CNTN5: variants seen among roughly 807,000 people sequenced by gnomAD.
CNTN5 encodes the protein contactin-5.
In CNTN5, 77 loss-of-function variants were observed where a neutral mutation model predicts 129.1. That is an observed-to-expected ratio of 0.60 (90% CI 0.50 to 0.72). The LOEUF is 0.72. Among genes scored for constraint, CNTN5 ranks in the 30% least tolerant of loss-of-function variants. The pLI is 0.00. For missense variants in CNTN5, 1,478 were observed against 1,328.8 expected, an observed-to-expected ratio of 1.11 and a Z score of -1.75; for synonymous variants, 509 against 465.6, an observed-to-expected ratio of 1.09 and a Z score of -1.20.
Position 99,119,211 on chromosome 11 carries a change from G to C in CNTN5, c.-210+97941G>C, listed in dbSNP as rs915758778. 3.9e-5 allele frequency among the ~76,000 whole-genome samples: 6 copies of C among 152,182 alleles called. No individual in the cohort carries two copies. In the South Asian group the frequency reaches 1.0e-3, roughly 26 times the overall value. On this transcript the variant is annotated intron_variant, in intron 1 of 24. Transcript: ENST00000524871. ...GTTATATAGGTAAACCCAAGCCATGGGGTTTTGTTGTACAGATTATTTTGT... is the reference window on the plus strand; with the variant it reads ...GTTATATAGGTAAACCCAAGCCATGCGGTTTTGTTGTACAGATTATTTTGT...
intron 3 of CNTN5, among the ~76,000 whole-genome samples, chr11:99,675,449 G>A (rs536562353): frequency 3.3e-5 from 5 of 152,248 alleles, no homozygotes; most frequent in South Asian, 4.1e-4. Flanking sequence ...TTGGGAGGCC[G>A]AGGAGGGCAG....
At chr11:99,074,238 T>C (rs1430505409) in intron 1 of CNTN5, among the ~76,000 whole-genome samples, 1 of 152,158 alleles carries the variant, frequency 6.6e-6, no homozygotes, top group East Asian at 1.9e-4. Flanking sequence ...TTTTTTTCTT[T>C]TAAATTTGTT....
intron 7 of CNTN5, among the ~76,000 whole-genome samples, chr11:99,948,393 A>G (rs183512612): frequency 2.6e-5 from 4 of 152,178 alleles, no homozygotes. Context: ...CTTGCATGGC[A>G]TTGTGACCAT....
At chr11:99,796,455 G>A (rs1003545534) in intron 3 of CNTN5, among the ~76,000 whole-genome samples, 1 of 152,026 alleles carries the variant, frequency 6.6e-6, no homozygotes, top group African/African-American at 2.4e-5. Context: ...GGATATGGTG[G>A]GGGGTAAGTG....
intron 2 of CNTN5, among the ~76,000 whole-genome samples, chr11:99,463,802 A>G (rs1229650612): frequency 6.6e-6 from 1 of 152,182 alleles, no homozygotes; most frequent in East Asian, 1.9e-4. Context: ...ATAAGTATGT[A>G]TGTGTAAAGA....
At chr11:100,287,713 A>C (rs1038692853) in intron 18 of CNTN5, among the ~76,000 whole-genome samples, 6 of 152,288 alleles carry the variant, frequency 3.9e-5, no homozygotes, top group East Asian at 3.9e-4. Context: ...TGAGCAAAAT[A>C]ACCAGCTAAC....
chr11:99,055,101 C>T (rs763942656), intron 1 of CNTN5, among the ~76,000 whole-genome samples: 15 of 152,018 alleles, frequency 9.9e-5, no homozygotes, highest in Non-Finnish European at 1.9e-4. Flanking sequence ...TTTCCATTTA[C>T]GTGATGCTAA....
intron 16 of CNTN5, among the ~76,000 whole-genome samples, chr11:100,236,561 T>C (rs1444027980): frequency 6.6e-6 from 1 of 152,194 alleles, no homozygotes; most frequent in African/African-American, 2.4e-5. Context: ...GCTCTCAGCA[T>C]AGAAAACAAT....
intron 9 of CNTN5, among the ~76,000 whole-genome samples, chr11:100,034,436 T>G (rs548584940): frequency 6.6e-6 from 1 of 152,338 alleles, no homozygotes; most frequent in South Asian, 2.1e-4. Context: ...AACATCTACT[T>G]AGTACAACCC....
intron 3 of CNTN5, among the ~76,000 whole-genome samples, chr11:99,695,356 G>A (rs1209597078): frequency 2.0e-5 from 3 of 151,972 alleles, no homozygotes; most frequent in Non-Finnish European, 4.4e-5. Context: ...GTTTTGTACA[G>A]TGTGTATATT....
At chr11:100,242,658 G>A (rs1269777657) in intron 16 of CNTN5, among the ~76,000 whole-genome samples, 2 of 152,100 alleles carry the variant, frequency 1.3e-5, no homozygotes, top group African/African-American at 4.8e-5. Flanking sequence ...AGCACCAAGG[G>A]GGATGGTGTT....
chr11:99,845,595 ATC>A (rs1947665879), intron 6 of CNTN5, among the ~76,000 whole-genome samples: 1 of 151,694 alleles, frequency 6.6e-6, no homozygotes, highest in Non-Finnish European at 1.5e-5. Context: ...GATGGTGTCG[ATC>A]TCCTGACCTC....
chr11:99,193,908 T>A (rs10501903), intron 1 of CNTN5, among the ~76,000 whole-genome samples: 2 of 152,026 alleles, frequency 1.3e-5, no homozygotes, highest in African/African-American at 4.8e-5. Context: ...AGCATTCATA[T>A]TCATAAGAGG....
At chr11:99,776,933 C>G (rs1034111502) in intron 3 of CNTN5, among the ~76,000 whole-genome samples, 5 of 151,902 alleles carry the variant, frequency 3.3e-5, no homozygotes, top group Admixed American at 3.3e-4. Flanking sequence ...GAGATGCAAG[C>G]AAACTTTCTG....
At chr11:100,287,402 G>A (rs545243501) in intron 18 of CNTN5, among the ~76,000 whole-genome samples, 24 of 143,372 alleles carry the variant, frequency 1.7e-4, no homozygotes, top group South Asian at 2.3e-4. Flanking sequence ...GACTAACAGC[G>A]GATCTCTCGG....
At chr11:99,625,686 T>C (rs569694996) in intron 3 of CNTN5, among the ~76,000 whole-genome samples, 1 of 152,130 alleles carries the variant, frequency 6.6e-6, no homozygotes, top group Non-Finnish European at 1.5e-5. Context: ...TTAAATCTTA[T>C]AAAGACCTTT....
At chr11:100,237,612 C>T in intron 16 of CNTN5, among the ~76,000 whole-genome samples, 1 of 152,066 alleles carries the variant, frequency 6.6e-6, no homozygotes, top group East Asian at 1.9e-4. Flanking sequence ...ACGATTAGCT[C>T]TCTAATGAGT....
intron 1 of CNTN5, among the ~76,000 whole-genome samples, chr11:99,150,639 A>T (rs561610571): frequency 6.6e-6 from 1 of 152,204 alleles, no homozygotes; most frequent in Admixed American, 6.5e-5. Context: ...GTTGTAATAA[A>T]TTCTCATGTT....
chr11:99,785,422 A>T (rs577118180), intron 3 of CNTN5, among the ~76,000 whole-genome samples: 1 of 151,906 alleles, frequency 6.6e-6, no homozygotes, highest in Admixed American at 6.6e-5. Context: ...CCATTTGACA[A>T]TTTTTCCTTT....
Sources: gnomAD v4.1 joint callset for allele counts (sites outside exome capture counted in the v4.1 genomes callset) on GRCh38, gnomAD v4.1.1 for gene constraint, MANE v1.5 for transcripts, NCBI Gene and HGNC (gene_info 2026-07-23, HGNC 2026-07-21) for gene names.